Variants in NRG3 observed in about 807,000 individuals in gnomAD.
The protein encoded by NRG3 is neuregulin 3, also known as pro-neuregulin-3, membrane-bound isoform.
NRG3 carries 31 observed loss-of-function variants against 66.9 expected under a neutral mutation model. The ratio of observed to expected loss-of-function variants is 0.46; its 90% CI spans 0.35 to 0.63. The LOEUF is 0.63. NRG3 is among the 20% of genes least tolerant of loss of function. The pLI is 0.00. For missense variants in NRG3, 910 were observed against 878.9 expected (o/e 1.04, Z -0.45); for synonymous variants, 393 against 359.4 (o/e 1.09, Z -1.06).
intron 1 of NRG3, among the ~76,000 whole-genome samples, chr10:82,054,747 G>C (rs115184047): frequency 1.7e-3 from 266 of 152,048 alleles, no homozygotes; most frequent in African/African-American, 6.2e-3. Flanking sequence ...GAAGAGAAGT[G>C]TTTGAATTAA....
chr10:82,265,888 G>A (rs1431233625), intron 1 of NRG3, among the ~76,000 whole-genome samples: 1 of 152,154 alleles, frequency 6.6e-6, no homozygotes, highest in Non-Finnish European at 1.5e-5. Context: ...TTCGGAGCAT[G>A]AATTGTCCCT....
chr10:82,357,526 C>T (rs946269420), intron 1 of NRG3, among the ~76,000 whole-genome samples: 1 of 152,172 alleles, frequency 6.6e-6, no homozygotes, highest in African/African-American at 2.4e-5. Flanking sequence ...GGTCAAGGGG[C>T]TGCATCTGCT....
At chr10:82,671,568 T>G (rs926285893) in intron 2 of NRG3, among the ~76,000 whole-genome samples, 32 of 152,202 alleles carry the variant, frequency 2.1e-4, no homozygotes, top group African/African-American at 6.8e-4. Flanking sequence ...GACTTCAGGT[T>G]GGACAGCTCT....
At chr10:82,701,421 G>A (rs1158649838) in intron 2 of NRG3, among the ~76,000 whole-genome samples, 1 of 152,100 alleles carries the variant, frequency 6.6e-6, no homozygotes, top group Admixed American at 6.6e-5. Flanking sequence ...GGTTGTTCTT[G>A]AGTCCTTTTG....
At chr10:82,774,365 G>A (rs2059819899) in intron 3 of NRG3, among the ~76,000 whole-genome samples, 1 of 152,068 alleles carries the variant, frequency 6.6e-6, no homozygotes, top group Non-Finnish European at 1.5e-5. Flanking sequence ...TTGAATATTT[G>A]GCAGAATTCA....
intron 4 of NRG3, among the ~76,000 whole-genome samples, chr10:82,869,979 G>T (rs1465240027): frequency 1.3e-5 from 2 of 149,126 alleles, no homozygotes; most frequent in Admixed American, 6.8e-5. Context: ...AATACCTTTT[G>T]TACTGGCTTA....
chr10:82,828,257 C>T (rs912385137), intron 3 of NRG3, among the ~76,000 whole-genome samples: 3 of 152,196 alleles, frequency 2.0e-5, no homozygotes, highest in South Asian at 2.1e-4. Context: ...GTACAAAGTT[C>T]ATTGTCCATC....
chr10:82,643,548 T>C (rs1385261619), intron 2 of NRG3, among the ~76,000 whole-genome samples: 3 of 152,242 alleles, frequency 2.0e-5, no homozygotes, highest in South Asian at 2.1e-4. Context: ...TGATTAATAA[T>C]ATATTATTGC....
chr10:82,213,896 C>A (rs939853365), intron 1 of NRG3, among the ~76,000 whole-genome samples: 1 of 152,062 alleles, frequency 6.6e-6, no homozygotes, highest in Admixed American at 6.6e-5. Flanking sequence ...TCGGCTTATT[C>A]GACTGCTCAA....
intron 1 of NRG3, among the ~76,000 whole-genome samples, chr10:82,081,631 G>GT (rs1201083604): frequency 2.6e-5 from 4 of 152,160 alleles, no homozygotes; most frequent in Non-Finnish European, 4.4e-5. Flanking sequence ...TAATTACATT[G>GT]TTTCCACGTA....
chr10:82,659,390 G>T (rs1445342644), intron 2 of NRG3, among the ~76,000 whole-genome samples: 3 of 152,122 alleles, frequency 2.0e-5, no homozygotes, highest in African/African-American at 7.2e-5. Context: ...GGGCATGGTG[G>T]CTCACGCCTG....
At chr10:82,274,938 C>A (rs929009178) in intron 1 of NRG3, among the ~76,000 whole-genome samples, 1 of 151,984 alleles carries the variant, frequency 6.6e-6, no homozygotes, top group African/African-American at 2.4e-5. Flanking sequence ...TCATGCCTTC[C>A]ACTTAGACTA....
intron 1 of NRG3, among the ~76,000 whole-genome samples, chr10:82,112,429 A>G (rs1442152228): frequency 1.3e-5 from 2 of 152,120 alleles, no homozygotes; most frequent in African/African-American, 4.8e-5. Context: ...GGAATCAAAC[A>G]GAAAATGTTA....
At chr10:82,956,456 G>T (rs951069948) in intron 5 of NRG3, among the ~76,000 whole-genome samples, 1 of 151,822 alleles carries the variant, frequency 6.6e-6, no homozygotes, top group Non-Finnish European at 1.5e-5. Context: ...GATAGGCAGA[G>T]GCAGGCTCAG....
rs1161312386 is a variant in NRG3, at chr10:82,368,895, T to C, written c.953+10027T>C. On this transcript the variant is annotated intron_variant, in intron 2 of 8. Coordinates refer to ENST00000372141, the MANE Select transcript of NRG3 (RefSeq NM_001010848.4). ...TTGGGTAAATATTTCAATAAAACCTTCTCAAAACAGGATAAAGATGGCTCA... is the reference window on the plus strand; with the variant it reads ...TTGGGTAAATATTTCAATAAAACCTCCTCAAAACAGGATAAAGATGGCTCA... Among the ~76,000 whole-genome samples the C allele has an allele frequency of 5.1e-5, 7 of 138,196 alleles. 1 individual carries two copies. The highest frequency in any genetic ancestry group is 4.8e-4 in the Admixed American group (7 of 14,680). 90.7% of individuals were successfully genotyped at this position (138,196 alleles called of 152,430 possible). A position where few individuals can be genotyped will look rare whatever the true frequency, so the allele number is the denominator to read the frequency against.
At chr10:82,789,577 A>T (rs2060500858) in intron 3 of NRG3, among the ~76,000 whole-genome samples, 1 of 152,064 alleles carries the variant, frequency 6.6e-6, no homozygotes, top group African/African-American at 2.4e-5. Flanking sequence ...ATATAATCTG[A>T]ATCTGAAGTA....
At chr10:82,870,221 T>A (rs1160228613) in intron 4 of NRG3, among the ~76,000 whole-genome samples, 2 of 152,142 alleles carry the variant, frequency 1.3e-5, no homozygotes, top group Non-Finnish European at 2.9e-5. Context: ...CTGTCATATA[T>A]TTGGAATAAT....
intron 2 of NRG3, among the ~76,000 whole-genome samples, chr10:82,493,147 G>A (rs1405927385): frequency 6.6e-6 from 1 of 151,902 alleles, no homozygotes; most frequent in Non-Finnish European, 1.5e-5. Context: ...TAAGTTCTGA[G>A]GTACATGTCT....
intron 2 of NRG3, among the ~76,000 whole-genome samples, chr10:82,565,439 C>T (rs1360533448): frequency 1.3e-5 from 2 of 152,098 alleles, no homozygotes; most frequent in Non-Finnish European, 2.9e-5. Context: ...TATTCATACT[C>T]AGGATCCAGG....
Sources: allele counts gnomAD v4.1 joint callset (sites outside exome capture counted in the v4.1 genomes callset), GRCh38; gene constraint gnomAD v4.1.1; transcripts MANE v1.5; gene names NCBI Gene and HGNC (gene_info 2026-07-23, HGNC 2026-07-21).